The following FAS variants were observed in gnomAD, a reference collection of about 807,000 sequenced individuals.
The protein encoded by FAS is Fas cell surface death receptor, also known as tumor necrosis factor receptor superfamily member 6.
In FAS, 5 loss-of-function variants were observed where a neutral mutation model predicts 33.2. The ratio of observed to expected loss-of-function variants is 0.15; its 90% CI spans 0.08 to 0.32. The LOEUF is 0.32. FAS is among the 10% of genes least tolerant of loss of function. The probability of loss-of-function intolerance (pLI) is 1.00; values close to 1 mark genes in which losing one functional copy is unlikely to be tolerated. For missense variants in FAS, 339 were observed against 386.0 expected (o/e 0.88, Z 1.02); for synonymous variants, 131 against 130.7 (o/e 1.00, Z -0.01).
intron 4 of FAS, among the ~76,000 whole-genome samples, chr10:89,010,120 A>T (rs2133523122): frequency 6.6e-6 from 1 of 152,340 alleles, no homozygotes; most frequent in Admixed American, 6.5e-5. Context: ...CCTGAGCTAC[A>T]TCATGGGCGT....
chr10:88,982,416 A>G (rs545724933), upstream of FAS, among the ~76,000 whole-genome samples: 194 of 152,278 alleles, frequency 1.3e-3, 2 homozygotes, highest in African/African-American at 4.4e-3. Context: ...CCGAGCTTAA[A>G]TGTGTTTTTT....
chr10:88,984,432 C>G (rs1316057642), upstream of FAS, among the ~76,000 whole-genome samples: 1 of 152,116 alleles, frequency 6.6e-6, no homozygotes, highest in African/African-American at 2.4e-5. Context: ...CATGAAGGGC[C>G]TTAAATGATA....
chr10:89,013,247 C>T, intron 7 of FAS, 96 bp from the exon 8 acceptor site: 1 of 1,222,978 alleles, frequency 8.2e-7, no homozygotes, highest in African/African-American at 1.5e-5. Flanking sequence ...GATTGTACTT[C>T]TTTCTGAATT....
chr10:89,016,954 T>C lies in FAS; in HGVS notation c.*2504T>C. The C allele has an allele frequency of 5.4e-6, 1 of 186,002 alleles. No homozygotes were observed. The highest frequency in any genetic ancestry group is 1.1e-5 in the Non-Finnish European group (1 of 87,870). The allele number at this position is 186,002 out of a possible 1,614,324, so 11.5% of individuals were successfully genotyped here. On this transcript the variant is annotated 3_prime_UTR_variant, in exon 9 of 9. Coordinates refer to ENST00000652046, the MANE Select transcript of FAS (RefSeq NM_000043.6). The stretch of plus-strand genomic sequence containing the variant: ...ATAATCAATGAAATTTAGAATTTTT[T>C]TCTATGCTTACTCCTGATTGGTAAT...
chr10:88,998,728 G>A (rs1847747457), intron 1 of FAS, among the ~76,000 whole-genome samples: 1 of 152,110 alleles, frequency 6.6e-6, no homozygotes, highest in Non-Finnish European at 1.5e-5. Flanking sequence ...TCAGAAAAGG[G>A]GTTTGGGCTA....
chr10:88,997,384 T>C (rs1421792690), intron 1 of FAS, among the ~76,000 whole-genome samples: 22 of 152,248 alleles, frequency 1.4e-4, no homozygotes, highest in Admixed American at 1.4e-3. Context: ...CATTTTATTT[T>C]ATTTATGGCT....
At chr10:88,999,663 C>T (rs1847817612) in intron 1 of FAS, among the ~76,000 whole-genome samples, 1 of 152,050 alleles carries the variant, frequency 6.6e-6, no homozygotes, top group Admixed American at 6.6e-5. Context: ...AAAGTTAACC[C>T]ATGTCATCTC....
chr10:89,010,464 T>G, intron 4 of FAS, 75 bp from the exon 5 acceptor site: 2 of 1,266,180 alleles, frequency 1.6e-6, no homozygotes, highest in South Asian at 2.5e-5. Context: ...GCCCCTAATT[T>G]ACAAAGTGCC....
chr10:88,975,417 G>GTTTGT (rs1284075941), intron 2 of FAS, among the ~76,000 whole-genome samples: 1 of 152,102 alleles, frequency 6.6e-6, no homozygotes, highest in East Asian at 1.9e-4. Flanking sequence ...ACCTGAAAGT[G>GTTTGT]TTTGTTTTTT....
At chr10:88,973,317 A>G in exon 2 of FAS, 2 of 1,570,606 alleles carry the variant, frequency 1.3e-6, no homozygotes, top group South Asian at 2.4e-5. Context: ...GCTCTGAGAG[A>G]GACAAGAAGT....
upstream of FAS, among the ~76,000 whole-genome samples, chr10:88,988,443 T>A (rs1952135): frequency 0.89 from 127,319 of 142,308 alleles, 57,242 homozygotes; most frequent in East Asian, 0.97. Context: ...TTTTGTTTTT[T>A]ATCTTAACTC....
chr10:88,997,454 G>A (rs376659989), intron 1 of FAS, among the ~76,000 whole-genome samples: 1 of 152,104 alleles, frequency 6.6e-6, no homozygotes, highest in African/African-American at 2.4e-5. Context: ...CTCTGTCCTG[G>A]ACTTTCCAGA....
intron 3 of FAS, among the ~76,000 whole-genome samples, chr10:89,008,445 T>G (rs1209349339): frequency 6.6e-6 from 1 of 152,216 alleles, no homozygotes; most frequent in Non-Finnish European, 1.5e-5. Context: ...TTAGAATTGC[T>G]TAGGGAGCTA....
In FAS at chr10:89,014,159, C is replaced by A; in HGVS notation, c.717C>A (p.Val239=). 1 of 1,613,730 alleles carries A rather than the reference C, an allele frequency of 6.2e-7. No individual in the cohort carries two copies. The highest frequency in any genetic ancestry group is 1.1e-5 in the South Asian group (1 of 91,010). ...LSKYITTIAG[V]MTLSQVKGFV... ...AATATATCACCACTATTGCTGGAGT[C>A]ATGACACTAAGTCAAGTTAAAGGCT... is the stretch of plus-strand genomic sequence containing the variant. Residue 239 remains valine (V), a synonymous_variant, in exon 9 of 9, where the codon GTC becomes GTA. Coordinates refer to ENST00000652046, the MANE Select transcript of FAS (RefSeq NM_000043.6).
chr10:88,983,102 T>A (rs553075984), upstream of FAS, among the ~76,000 whole-genome samples: 9 of 152,268 alleles, frequency 5.9e-5, no homozygotes, highest in East Asian at 1.5e-3. Context: ...CATATTGAGG[T>A]TTGAAATGCA....
chr10:88,976,070 A>G (rs1339079667), intron 2 of FAS, among the ~76,000 whole-genome samples: 1 of 152,192 alleles, frequency 6.6e-6, no homozygotes, highest in African/African-American at 2.4e-5. Flanking sequence ...TACTATTATC[A>G]ATTAGTTATA....
In FAS at chr10:89,003,109, G is replaced by T; in HGVS notation, c.111G>T (p.Leu37Phe). ...ACATCAACTCCAAGGGATTGGAATT[G>T]AGGAAGACTGTTACTACAGTTGAGA... ...VTDINSKGLE[L>F]RKTVTTVETQ... is the part of the protein sequence containing the mutation. The change falls in exon 2 of 9, where the codon TTG (leucine) becomes TTT (phenylalanine). Residue 37 changes from leucine (L) to phenylalanine (F), a missense_variant. By Grantham distance (22) the Leu-to-Phe change is conservative. This residue lies in a region of FAS where 276 missense variants were observed against 300.1 expected (regional missense o/e 0.92). Transcript: ENST00000652046. The T allele has an allele frequency of 6.2e-7, 1 of 1,614,152 alleles. No homozygotes were observed. The highest frequency in any genetic ancestry group is 8.5e-7 in the Non-Finnish European group (1 of 1,180,002).
intron 1 of FAS, among the ~76,000 whole-genome samples, chr10:88,999,172 T>TAAA (rs1305255295): frequency 3.5e-5 from 5 of 143,974 alleles, no homozygotes; most frequent in Non-Finnish European, 7.5e-5. Context: ...AATAAATAAA[T>TAAA]AAAATAAAAT....
rs1398588772 is a variant in FAS, at chr10:89,003,013, T to C, written c.31-16T>C. ...TCAGAAATCAATAAAATTCTCTTCA[T>C]GCTTTTATTTTACAGGTTCTTACGT... On this transcript the variant is annotated splice_polypyrimidine_tract_variant and intron_variant, in intron 1 of 8. Coordinates refer to ENST00000652046, the MANE Select transcript of FAS (RefSeq NM_000043.6). 1.2e-6 allele frequency: 2 copies of C among 1,613,810 alleles called. No individual in the cohort carries two copies. Among genetic ancestry groups the C allele is most frequent in the Non-Finnish European group, 1.7e-6 (2 of 1,179,850 alleles).
Sources: gnomAD v4.1 joint callset for allele counts (sites outside exome capture counted in the v4.1 genomes callset) on GRCh38, gnomAD v4.1.1 for gene constraint, gnomAD v4.1.1 regional missense constraint, MANE v1.5 for transcripts, NCBI Gene and HGNC (gene_info 2026-07-23, HGNC 2026-07-21) for gene names.